The following MCTP1 variants were observed in gnomAD, a reference collection of about 807,000 sequenced individuals.
MCTP1 encodes the protein multiple C2 and transmembrane domain-containing protein 1.
MCTP1 carries 69 observed loss-of-function variants against 120.6 expected under a neutral mutation model. That is an observed-to-expected ratio of 0.57 (90% CI 0.47 to 0.70). The LOEUF (loss-of-function observed/expected upper bound fraction) is 0.70. Ranked by LOEUF, MCTP1 falls within the 30% of genes least tolerant of loss-of-function variation. The probability of loss-of-function intolerance (pLI) is 0.00; values close to 1 mark genes in which losing one functional copy is unlikely to be tolerated. For synonymous variants in MCTP1, 529 were observed against 493.1 expected, an observed-to-expected ratio of 1.07 and a Z score of -0.96; for missense variants, 1,203 against 1,248.8, an observed-to-expected ratio of 0.96 and a Z score of 0.55.
chr5:95,143,730 A>G (rs774952940), intron 1 of MCTP1, among the ~76,000 whole-genome samples: 2 of 152,204 alleles, frequency 1.3e-5, no homozygotes, highest in Non-Finnish European at 2.9e-5. Context: ...TGCAAAGGAC[A>G]TGATCTTGTT....
At chr5:94,952,458 C>A (rs1820867486) in intron 3 of MCTP1, among the ~76,000 whole-genome samples, 1 of 152,060 alleles carries the variant, frequency 6.6e-6, no homozygotes, top group Non-Finnish European at 1.5e-5. Flanking sequence ...CTAGTGATTG[C>A]TGAAAGATGA....
At chr5:95,146,348 T>A (rs1760394944) in intron 1 of MCTP1, among the ~76,000 whole-genome samples, 1 of 152,196 alleles carries the variant, frequency 6.6e-6, no homozygotes, top group African/African-American at 2.4e-5. Context: ...CTTGCTTTCA[T>A]TGACATTTTG....
chr5:95,247,533 T>C (rs1582651213), intron 1 of MCTP1, among the ~76,000 whole-genome samples: 1 of 152,346 alleles, frequency 6.6e-6, no homozygotes, highest in East Asian at 1.9e-4. Flanking sequence ...CATTTAGTGC[T>C]ATAAATTCTC....
chr5:95,179,453 A>G (rs1366994712), intron 1 of MCTP1, among the ~76,000 whole-genome samples: 1 of 152,252 alleles, frequency 6.6e-6, no homozygotes, highest in Non-Finnish European at 1.5e-5. Flanking sequence ...TAACCTATAA[A>G]GGAAAACCTA....
At chr5:95,005,596 T>C (rs1005920379) in intron 2 of MCTP1, among the ~76,000 whole-genome samples, 1 of 152,094 alleles carries the variant, frequency 6.6e-6, no homozygotes, top group Non-Finnish European at 1.5e-5. Context: ...ATCTAGTTGT[T>C]TGAAAGGGTG....
At chr5:94,939,239 A>T (rs1326351322) in intron 5 of MCTP1, among the ~76,000 whole-genome samples, 1 of 152,022 alleles carries the variant, frequency 6.6e-6, no homozygotes, top group Non-Finnish European at 1.5e-5. Context: ...CCAGCAGACA[A>T]TCTATAACCA....
At chr5:95,158,443 C>CT (rs1473408200) in intron 1 of MCTP1, among the ~76,000 whole-genome samples, 1 of 152,098 alleles carries the variant, frequency 6.6e-6, no homozygotes, top group Non-Finnish European at 1.5e-5. Flanking sequence ...GCTGTGATGG[C>CT]TTTTTAAATT....
At chr5:94,816,299 AGTGT>A (rs1219294747) in intron 17 of MCTP1, among the ~76,000 whole-genome samples, 10 of 152,248 alleles carry the variant, frequency 6.6e-5, no homozygotes, top group Non-Finnish European at 1.5e-4. Flanking sequence ...TCCCATGGGA[AGTGT>A]GTATCCATAA....
chr5:94,989,108 A>C (rs1831007573), intron 2 of MCTP1, among the ~76,000 whole-genome samples: 1 of 152,122 alleles, frequency 6.6e-6, no homozygotes, highest in Admixed American at 6.5e-5. Flanking sequence ...ATTATTTTTA[A>C]TTTGTAGAGA....
At chr5:95,256,961 C>T (rs1028817017) in intron 1 of MCTP1, among the ~76,000 whole-genome samples, 2 of 152,132 alleles carry the variant, frequency 1.3e-5, no homozygotes, top group African/African-American at 4.8e-5. Flanking sequence ...AGAGTAGTGA[C>T]AGAGTTTTTC....
chr5:94,919,143 G>C (rs747802928), intron 7 of MCTP1, among the ~76,000 whole-genome samples: 5 of 152,178 alleles, frequency 3.3e-5, no homozygotes, highest in Non-Finnish European at 5.9e-5. Flanking sequence ...GGGATTAGAG[G>C]AAGTAAGAGT....
At chr5:94,986,263 T>C (rs1457862489) in intron 2 of MCTP1, among the ~76,000 whole-genome samples, 1 of 152,208 alleles carries the variant, frequency 6.6e-6, no homozygotes, top group Non-Finnish European at 1.5e-5. Context: ...GTTTCTTTTT[T>C]TCCTCATACA....
At chr5:94,719,054 A>G (rs1421222912) in intron 19 of MCTP1, among the ~76,000 whole-genome samples, 4 of 152,230 alleles carry the variant, frequency 2.6e-5, no homozygotes, top group Non-Finnish European at 5.9e-5. Context: ...AAACTTATGA[A>G]AAAAAGCTCT....
At chr5:95,273,059 C>A (rs1286650443) in intron 1 of MCTP1, among the ~76,000 whole-genome samples, 1 of 152,220 alleles carries the variant, frequency 6.6e-6, no homozygotes, top group Non-Finnish European at 1.5e-5. Flanking sequence ...GTGGTCCCTG[C>A]TGATTTGGGG....
intron 1 of MCTP1, among the ~76,000 whole-genome samples, chr5:95,137,220 G>A (rs951454324): frequency 2.6e-5 from 4 of 152,248 alleles, no homozygotes; most frequent in South Asian, 4.1e-4. Context: ...AGCTTGCTTC[G>A]GGGGAAGTAT....
At chr5:94,768,921 G>A (rs1423580797) in intron 19 of MCTP1, among the ~76,000 whole-genome samples, 1 of 152,114 alleles carries the variant, frequency 6.6e-6, no homozygotes, top group Non-Finnish European at 1.5e-5. Flanking sequence ...ATATTAAAGG[G>A]ATTTCTGAAT....
At chr5:95,057,716 A>G (rs1179734814) in intron 1 of MCTP1, among the ~76,000 whole-genome samples, 1 of 152,154 alleles carries the variant, frequency 6.6e-6, no homozygotes, top group Non-Finnish European at 1.5e-5. Context: ...TTTAGATGGC[A>G]TTTCGTACCC....
At chr5:94,941,360 A>G (rs1347407830) in intron 4 of MCTP1, among the ~76,000 whole-genome samples, 2 of 152,048 alleles carry the variant, frequency 1.3e-5, no homozygotes, top group Non-Finnish European at 2.9e-5. Flanking sequence ...GACTTACAGA[A>G]AAAGTACAGG....
intron 19 of MCTP1, among the ~76,000 whole-genome samples, chr5:94,756,467 A>T (rs1769895923): frequency 6.6e-6 from 1 of 152,206 alleles, no homozygotes; most frequent in South Asian, 2.1e-4. Flanking sequence ...TGAAGATAGG[A>T]ACTGCACTCA....
Sources: gnomAD v4.1 joint callset for allele counts (sites outside exome capture counted in the v4.1 genomes callset) on GRCh38, gnomAD v4.1.1 for gene constraint, MANE v1.5 for transcripts, NCBI Gene and HGNC (gene_info 2026-07-23, HGNC 2026-07-21) for gene names.